Variants in KIAA1958 observed in about 807,000 individuals in gnomAD.
The protein encoded by KIAA1958 is uncharacterized protein KIAA1958.
A neutral mutation model predicts 47.2 loss-of-function variants in KIAA1958; 14 were observed. That is an observed-to-expected ratio of 0.30 (90% CI 0.20 to 0.46). The LOEUF is 0.46. KIAA1958 is among the 20% of genes least tolerant of loss of function. The pLI, the probability that KIAA1958 is intolerant of heterozygous loss-of-function variation, is 1.00. For missense variants in KIAA1958, 803 were observed against 909.2 expected (o/e 0.88, Z 1.50); for synonymous variants, 354 against 353.3 (o/e 1.00, Z -0.02).
chr9:112,625,403 C>T (rs1836591693), intron 2 of KIAA1958, among the ~76,000 whole-genome samples: 1 of 152,160 alleles, frequency 6.6e-6, no homozygotes, highest in African/African-American at 2.4e-5. Flanking sequence ...ATCCCCCCAC[C>T]TCAGCCTCCC....
intron 1 of KIAA1958, among the ~76,000 whole-genome samples, chr9:112,558,588 T>C (rs1019999496): frequency 5.3e-5 from 8 of 152,252 alleles, no homozygotes; most frequent in Non-Finnish European, 7.3e-5. Context: ...TCAAGTCATC[T>C]TGATGTCTGT....
chr9:112,609,253 T>C (rs1449790282), intron 2 of KIAA1958, among the ~76,000 whole-genome samples: 1 of 152,196 alleles, frequency 6.6e-6, no homozygotes, highest in African/African-American at 2.4e-5. Context: ...TCAAATGATA[T>C]ATGCGTTTCT....
chr9:112,531,126 C>T (rs1453694462), intron 1 of KIAA1958, among the ~76,000 whole-genome samples: 5 of 152,210 alleles, frequency 3.3e-5, no homozygotes, highest in Admixed American at 6.5e-5. Context: ...CTGTGGCTCA[C>T]GCCTGTAATC....
chr9:112,529,968 T>A (rs952653969), intron 1 of KIAA1958, among the ~76,000 whole-genome samples: 1 of 152,210 alleles, frequency 6.6e-6, no homozygotes, highest in South Asian at 2.1e-4. Context: ...CTCAGCCTCC[T>A]GAGTAGCTGG....
intron 2 of KIAA1958, among the ~76,000 whole-genome samples, chr9:112,601,827 A>G (rs1186550415): frequency 2.0e-5 from 3 of 152,218 alleles, no homozygotes; most frequent in African/African-American, 4.8e-5. Context: ...TCCAAGAGAA[A>G]TGAGCAGATG....
At chr9:112,594,113 C>A (rs547017515) in intron 2 of KIAA1958, among the ~76,000 whole-genome samples, 3 of 152,256 alleles carry the variant, frequency 2.0e-5, no homozygotes, top group Non-Finnish European at 2.9e-5. Flanking sequence ...AGTCCTTCCA[C>A]CTCAGCTTCC....
intron 1 of KIAA1958, among the ~76,000 whole-genome samples, chr9:112,529,967 C>T (rs1218184705): frequency 6.6e-6 from 1 of 152,128 alleles, no homozygotes; most frequent in Non-Finnish European, 1.5e-5. Context: ...CCTCAGCCTC[C>T]TGAGTAGCTG....
At chr9:112,652,204 C>T (rs1358215678) in intron 3 of KIAA1958, among the ~76,000 whole-genome samples, 2 of 152,120 alleles carry the variant, frequency 1.3e-5, no homozygotes, top group African/African-American at 4.8e-5. Context: ...GTGTCATCAG[C>T]CCCATGACCA....
At position 112,618,349 on chromosome 9, in the gene KIAA1958, C is replaced by T; in HGVS notation, c.1172-27301C>T. ...TGCTCAACCTAGTCTGGCTCAACAA[C>T]ACAAAAGCTTTTGGGCATTGCACAG... is the stretch of plus-strand genomic sequence containing the variant. On this transcript the variant is annotated intron_variant, in intron 2 of 3. Coordinates refer to ENST00000337530, the MANE Select transcript of KIAA1958 (RefSeq NM_133465.4). The surrounding 1 kb of genome is among the most constrained non-coding windows in gnomAD (Gnocchi z 7.1). 6.4e-7 allele frequency: 1 copy of T among 1,551,294 alleles called. No homozygotes were observed. The highest frequency in any genetic ancestry group is 8.7e-7 in the Non-Finnish European group (1 of 1,147,150).
chr9:112,493,053 A>G (rs1387354068), intron 1 of KIAA1958, among the ~76,000 whole-genome samples: 3 of 151,978 alleles, frequency 2.0e-5, no homozygotes, highest in African/African-American at 4.8e-5. Flanking sequence ...TGCCTGGCCA[A>G]AATTCTTAAT....
intron 1 of KIAA1958, among the ~76,000 whole-genome samples, chr9:112,572,108 G>A (rs1289492759): frequency 6.6e-6 from 1 of 151,850 alleles, no homozygotes; most frequent in African/African-American, 2.4e-5. Context: ...TGTTCTTTCC[G>A]TTTACATGGC....
intron 1 of KIAA1958, among the ~76,000 whole-genome samples, chr9:112,511,842 A>G (rs917348874): frequency 1.5e-4 from 23 of 152,240 alleles, no homozygotes; most frequent in African/African-American, 4.8e-4. Flanking sequence ...GAGAGAGGTA[A>G]TATCAATGTG....
intron 2 of KIAA1958, among the ~76,000 whole-genome samples, chr9:112,603,255 G>A (rs1454975537): frequency 1.3e-5 from 2 of 152,030 alleles, no homozygotes; most frequent in African/African-American, 4.8e-5. Context: ...GGCATTTGGA[G>A]GTTTTTGCAT....
intron 1 of KIAA1958, among the ~76,000 whole-genome samples, chr9:112,525,048 A>ATG (rs34159464): frequency 0.065 from 40 of 614 alleles, 1 homozygote; most frequent in African/African-American, 0.38. Context: ...TGTCTTTATG[A>ATG]TAAGATTTTC....
intron 1 of KIAA1958, among the ~76,000 whole-genome samples, chr9:112,541,987 T>C (rs1834952904): frequency 6.6e-6 from 1 of 152,166 alleles, no homozygotes. Context: ...TAAGCAAATA[T>C]ATTTTTCTTA....
intron 3 of KIAA1958, among the ~76,000 whole-genome samples, chr9:112,647,901 G>C (rs756190249): frequency 3.9e-5 from 6 of 152,194 alleles, no homozygotes; most frequent in Non-Finnish European, 5.9e-5. Context: ...GTTTAGAAAG[G>C]CTGAGGATAC....
chr9:112,526,646 C>G (rs1834660929), intron 1 of KIAA1958, among the ~76,000 whole-genome samples: 1 of 152,298 alleles, frequency 6.6e-6, no homozygotes, highest in Non-Finnish European at 1.5e-5. Context: ...GACCTTCTTG[C>G]TGTGTTATCA....
intron 2 of KIAA1958, among the ~76,000 whole-genome samples, chr9:112,590,500 T>C (rs1203386780): frequency 6.6e-6 from 1 of 151,952 alleles, no homozygotes; most frequent in Non-Finnish European, 1.5e-5. Flanking sequence ...TACAGGCACC[T>C]GCCACGACAC....
chr9:112,582,044 C>T (rs147826025), intron 2 of KIAA1958: 14 of 219,892 alleles, frequency 6.4e-5, no homozygotes, highest in African/African-American at 1.8e-4. Flanking sequence ...GAAGCTTCAC[C>T]GCTTCAGCGC....
Sources: gnomAD v4.1 joint callset for allele counts (sites outside exome capture counted in the v4.1 genomes callset) on GRCh38, gnomAD v4.1.1 for gene constraint, Gnocchi (gnomAD v3.1) non-coding constraint, MANE v1.5 for transcripts, NCBI Gene and HGNC (gene_info 2026-07-23, HGNC 2026-07-21) for gene names.